SAMSN1: variants seen among roughly 807,000 people sequenced by gnomAD.
SAMSN1 encodes the protein SAM domain, SH3 domain and nuclear localization signals 1, also known as SAM domain-containing protein SAMSN-1.
SAMSN1 carries 31 observed loss-of-function variants against 42.0 expected under a neutral mutation model. The ratio of observed to expected loss-of-function variants is 0.74; its 90% CI spans 0.55 to 1.00. SAMSN1 has a LOEUF of 1.00. Ranked by LOEUF, SAMSN1 falls within the 50% of genes least tolerant of loss-of-function variation. SAMSN1 has a pLI of 0.00. For missense variants in SAMSN1, 464 were observed against 439.4 expected (o/e 1.06, Z -0.50); for synonymous variants, 178 against 151.9 (o/e 1.17, Z -1.26).
exon 2 of SAMSN1, chr21:14,643,065 A>G: frequency 1.4e-6 from 1 of 717,382 alleles, no homozygotes; most frequent in Non-Finnish European, 2.6e-6. Context: ...AATCAGTTCT[A>G]CTAGACATGT....
At chr21:14,588,636 T>C (rs886825285) in intron 7 of SAMSN1, among the ~76,000 whole-genome samples, 4 of 152,218 alleles carry the variant, frequency 2.6e-5, no homozygotes, top group Non-Finnish European at 4.4e-5. Flanking sequence ...GCTCATCCCA[T>C]CTTCTTCAAC....
At chr21:14,547,490 A>G (rs1458765176), upstream of SAMSN1, among the ~76,000 whole-genome samples, 1 of 152,262 alleles carries the variant, frequency 6.6e-6, no homozygotes. Flanking sequence ...ATGGGGATTT[A>G]CCAAAGGGAG....
At chr21:14,533,009 G>A (rs1433914017) in intron 1 of SAMSN1, among the ~76,000 whole-genome samples, 1 of 151,988 alleles carries the variant, frequency 6.6e-6, no homozygotes, top group Non-Finnish European at 1.5e-5. Flanking sequence ...GAACTCCTAG[G>A]CTCCAGCAAT....
intron 1 of SAMSN1, among the ~76,000 whole-genome samples, chr21:14,652,221 C>T (rs897625949): frequency 1.3e-5 from 2 of 151,952 alleles, no homozygotes; most frequent in Non-Finnish European, 2.9e-5. Flanking sequence ...ACAAAAGACA[C>T]AGAATAGCCA....
At chr21:14,624,088 G>C (rs1394854273) in intron 2 of SAMSN1, among the ~76,000 whole-genome samples, 1 of 152,152 alleles carries the variant, frequency 6.6e-6, no homozygotes, top group East Asian at 1.9e-4. Flanking sequence ...TGAGAACAAA[G>C]ACACAACATA....
chr21:14,529,820 T>C (rs995198788), intron 1 of SAMSN1, among the ~76,000 whole-genome samples: 2 of 152,230 alleles, frequency 1.3e-5, no homozygotes, highest in Non-Finnish European at 2.9e-5. Flanking sequence ...TCATTTGTAT[T>C]GACTACTTAG....
chr21:14,566,729 G>GA (rs1981131473), intron 2 of SAMSN1, among the ~76,000 whole-genome samples: 1 of 152,030 alleles, frequency 6.6e-6, no homozygotes, highest in Admixed American at 6.6e-5. Flanking sequence ...GTACAGATGG[G>GA]ATTTCACCAT....
At chr21:14,532,879 T>C (rs1220827888) in intron 1 of SAMSN1, among the ~76,000 whole-genome samples, 1 of 151,820 alleles carries the variant, frequency 6.6e-6, no homozygotes, top group Non-Finnish European at 1.5e-5. Flanking sequence ...AAAATGTACA[T>C]ATTTAATATT....
chr21:14,519,265 T>C (rs77725260), intron 2 of SAMSN1, among the ~76,000 whole-genome samples: 2,662 of 152,256 alleles, frequency 0.017, 35 homozygotes, highest in Non-Finnish European at 0.029. Flanking sequence ...GAGTGCTGGA[T>C]TGTTGAAAAA....
rs149838366 is a variant in SAMSN1, at chr21:14,525,651, C to T, written c.58-4430G>A. ...TTATATACAATTTGAAATAATCTAG[C>T]GAGGAGCAGCAAATGTGCGGCTATG... On this transcript the variant is annotated intron_variant, in intron 1 of 7. Transcript: ENST00000400566. Among the ~76,000 whole-genome samples the T allele has an allele frequency of 4.6e-3, 701 of 152,152 alleles. 5 individuals carry two copies. Among genetic ancestry groups the T allele is most frequent in the African/African-American group, 0.016 (664 of 41,504 alleles).
upstream of SAMSN1, among the ~76,000 whole-genome samples, chr21:14,548,549 C>G (rs545938338): frequency 6.6e-6 from 1 of 151,978 alleles, no homozygotes; most frequent in African/African-American, 2.4e-5. Flanking sequence ...TTTAACATTA[C>G]AAGAAATGTT....
chr21:14,621,906 G>T (rs1983020930), intron 2 of SAMSN1, among the ~76,000 whole-genome samples: 1 of 152,286 alleles, frequency 6.6e-6, no homozygotes, highest in Admixed American at 6.5e-5. Flanking sequence ...CACATGGCTG[G>T]GTACCCCTCT....
At chr21:14,502,659 G>A (rs947414793) in intron 5 of SAMSN1, among the ~76,000 whole-genome samples, 1 of 152,150 alleles carries the variant, frequency 6.6e-6, no homozygotes, top group African/African-American at 2.4e-5. Flanking sequence ...ACTGTGTTGT[G>A]TTTATTTCCT....
chr21:14,556,091 T>A (rs1980753420), intron 2 of SAMSN1, among the ~76,000 whole-genome samples: 1 of 152,204 alleles, frequency 6.6e-6, no homozygotes, highest in Non-Finnish European at 1.5e-5. Context: ...CTTCCTTTCC[T>A]CAGAAACGCT....
intron 5 of SAMSN1, among the ~76,000 whole-genome samples, chr21:14,504,605 T>C (rs8131133): frequency 0.072 from 10,886 of 152,238 alleles, 1,210 homozygotes; most frequent in African/African-American, 0.24. Flanking sequence ...TCTGGGATTA[T>C]ATTAAATGAC....
At chr21:14,646,893 C>T (rs1006768625) in intron 1 of SAMSN1, among the ~76,000 whole-genome samples, 1 of 151,946 alleles carries the variant, frequency 6.6e-6, no homozygotes, top group African/African-American at 2.4e-5. Context: ...TCATGGTAAA[C>T]TCAAACCAAA....
intron 1 of SAMSN1, among the ~76,000 whole-genome samples, chr21:14,530,398 T>G (rs979835234): frequency 6.6e-6 from 1 of 151,032 alleles, no homozygotes; most frequent in Non-Finnish European, 1.5e-5. Flanking sequence ...GTAAGAAAGG[T>G]AGTGGAACAT....
intron 1 of SAMSN1, among the ~76,000 whole-genome samples, chr21:14,647,481 T>A (rs1189295054): frequency 6.7e-6 from 1 of 149,294 alleles, no homozygotes; most frequent in Admixed American, 6.8e-5. Context: ...TCTTTTTTGG[T>A]TCCCTATGAA....
Position 14,616,592 on chromosome 21 carries a change from T to G in SAMSN1, c.157-576A>C, listed in dbSNP as rs141179484. ...ACTTTTGGGGAAAGAATTTGTCACA[T>G]TTTTCACCATCCTTGAAACAGCTTA... is the stretch of plus-strand genomic sequence containing the variant. On this transcript the variant is annotated intron_variant, in intron 2 of 15. Transcript: ENST00000647101. Among the ~76,000 whole-genome samples the G allele has an allele frequency of 4.0e-4, 61 of 152,272 alleles. 1 individual carries two copies. The highest frequency in any genetic ancestry group is 1.4e-3 in the African/African-American group (57 of 41,578).
Sources: allele counts gnomAD v4.1 joint callset (sites outside exome capture counted in the v4.1 genomes callset), GRCh38; gene constraint gnomAD v4.1.1; transcripts MANE v1.5; gene names NCBI Gene and HGNC (gene_info 2026-07-23, HGNC 2026-07-21).